Variants in TBC1D5 observed in about 807,000 individuals in gnomAD.
TBC1D5 encodes the protein TBC1 domain family, member 5.
TBC1D5 carries 75 observed loss-of-function variants against 100.3 expected under a neutral mutation model. The observed-to-expected ratio is 0.75, with a 90% CI of 0.62 to 0.91. The LOEUF (loss-of-function observed/expected upper bound fraction) is 0.91, where lower values mean the gene tolerates loss of function less well. Ranked by LOEUF, TBC1D5 falls within the 40% of genes least tolerant of loss-of-function variation. The pLI is 0.00. For synonymous variants in TBC1D5, 323 were observed against 325.6 expected (o/e 0.99, Z 0.09); for missense variants, 910 against 942.4 (o/e 0.97, Z 0.45).
chr3:17,302,622 G>A (rs1003206089), intron 14 of TBC1D5, among the ~76,000 whole-genome samples: 7 of 152,106 alleles, frequency 4.6e-5, no homozygotes, highest in Admixed American at 1.3e-4. Flanking sequence ...ATTTGACCCA[G>A]AGAAAGGCAT....
intron 19 of TBC1D5, among the ~76,000 whole-genome samples, chr3:17,173,948 T>C (rs2733482): frequency 0.31 from 47,410 of 151,966 alleles, 7,498 homozygotes; most frequent in South Asian, 0.39. Flanking sequence ...GTGCACAGGG[T>C]GTGTGCCATA....
intron 18 of TBC1D5, among the ~76,000 whole-genome samples, chr3:17,200,333 G>A (rs1007311842): frequency 2.0e-5 from 3 of 152,208 alleles, no homozygotes; most frequent in Non-Finnish European, 2.9e-5. Flanking sequence ...GGCCTGTTAG[G>A]AACCATGCTG....
intron 13 of TBC1D5, among the ~76,000 whole-genome samples, chr3:17,337,126 T>G (rs904540618): frequency 2.8e-5 from 4 of 145,312 alleles, no homozygotes; most frequent in East Asian, 2.0e-4. Context: ...CTGAGAGGTT[T>G]TTTTTTTTTT....
At chr3:17,446,188 GAC>G (rs2094790377) in intron 3 of TBC1D5, among the ~76,000 whole-genome samples, 1 of 151,988 alleles carries the variant, frequency 6.6e-6, no homozygotes, top group Non-Finnish European at 1.5e-5. Flanking sequence ...CTCCTGAAGA[GAC>G]ATACTTTTTA....
At chr3:17,562,531 A>G (rs1368150824) in intron 2 of TBC1D5, among the ~76,000 whole-genome samples, 1 of 152,072 alleles carries the variant, frequency 6.6e-6, no homozygotes, top group African/African-American at 2.4e-5. Flanking sequence ...AAAAAAAAGA[A>G]AGAAAGATTC....
chr3:17,580,921 T>A (rs1165910999), intron 2 of TBC1D5, among the ~76,000 whole-genome samples: 1 of 152,150 alleles, frequency 6.6e-6, no homozygotes, highest in Non-Finnish European at 1.5e-5. Context: ...TTTTAAGTCT[T>A]CTCTATCTAT....
chr3:17,314,209 G>A (rs771239854), intron 13 of TBC1D5, among the ~76,000 whole-genome samples: 3 of 152,246 alleles, frequency 2.0e-5, no homozygotes, highest in South Asian at 2.1e-4. Flanking sequence ...GATCCTAGGG[G>A]TTATTTGGTA....
At chr3:17,712,901 A>C (rs1311772334) in intron 1 of TBC1D5, among the ~76,000 whole-genome samples, 1 of 152,136 alleles carries the variant, frequency 6.6e-6, no homozygotes, top group Non-Finnish European at 1.5e-5. Flanking sequence ...CTGGCTATAC[A>C]TACCACTCTC....
At chr3:17,438,197 T>C (rs560950327) in intron 3 of TBC1D5, among the ~76,000 whole-genome samples, 2 of 152,294 alleles carry the variant, frequency 1.3e-5, no homozygotes, top group South Asian at 4.1e-4. Flanking sequence ...CAAAACACAT[T>C]TCCACTTAGC....
chr3:17,321,297 C>T (rs2085372188), intron 13 of TBC1D5, among the ~76,000 whole-genome samples: 1 of 152,190 alleles, frequency 6.6e-6, no homozygotes, highest in African/African-American at 2.4e-5. Context: ...CTCCTGGCCT[C>T]AAGCCTCCCA....
At chr3:17,417,071 T>C (rs567089347) in intron 4 of TBC1D5, among the ~76,000 whole-genome samples, 2 of 152,174 alleles carry the variant, frequency 1.3e-5, no homozygotes, top group Non-Finnish European at 2.9e-5. Context: ...ATTTTGGAGA[T>C]TGTAAGTTTA....
chr3:17,493,555 G>A (rs1271835491), intron 3 of TBC1D5, among the ~76,000 whole-genome samples: 1 of 152,002 alleles, frequency 6.6e-6, no homozygotes, highest in South Asian at 2.1e-4. Flanking sequence ...TCTCTTTCAG[G>A]TACCCCAGTC....
At chr3:17,369,117 T>C (rs1276717263) in intron 13 of TBC1D5, among the ~76,000 whole-genome samples, 1 of 152,140 alleles carries the variant, frequency 6.6e-6, no homozygotes, top group South Asian at 2.1e-4. Context: ...AACTATATGA[T>C]CATTTCTAAA....
chr3:17,691,519 C>T (rs760560588), intron 1 of TBC1D5, among the ~76,000 whole-genome samples: 2 of 152,090 alleles, frequency 1.3e-5, no homozygotes, highest in African/African-American at 4.8e-5. Context: ...AAATGCTCCA[C>T]GAAAGAAAAT....
At position 17,475,039 on chromosome 3, in the gene TBC1D5, A is replaced by T. The variant is rs561677667; in HGVS notation, c.97+33435T>A. ...TAAGCATCCAAAATATTGCCTAAGA[A>T]TTGCTAGTTTATGTCCTTTGGTCAT... is the stretch of plus-strand genomic sequence containing the variant. On this transcript the variant is annotated intron_variant, in intron 3 of 21. Coordinates refer to ENST00000253692, the Ensembl canonical transcript of TBC1D5. Among the ~76,000 whole-genome samples the T allele has an allele frequency of 2.6e-5, 4 of 152,210 alleles. No individual in the cohort carries two copies. In the South Asian group the frequency reaches 8.3e-4, roughly 32 times the overall value.
At chr3:17,537,805 C>G (rs1396177768) in intron 2 of TBC1D5, among the ~76,000 whole-genome samples, 1 of 152,168 alleles carries the variant, frequency 6.6e-6, no homozygotes, top group Admixed American at 6.5e-5. Flanking sequence ...ATCCATCCAG[C>G]TATTGATAAA....
At chr3:17,704,630 G>A (rs1336845057) in intron 1 of TBC1D5, among the ~76,000 whole-genome samples, 1 of 76,132 alleles carries the variant, frequency 1.3e-5, no homozygotes, top group Admixed American at 1.4e-4. Context: ...CCCGGACGGG[G>A]CTGCTGGCCA....
intron 2 of TBC1D5, among the ~76,000 whole-genome samples, chr3:17,572,201 C>A (rs2096631512): frequency 6.6e-6 from 1 of 151,686 alleles, no homozygotes. Context: ...GATTATCCCC[C>A]AAGAAATCTC....
chr3:17,698,236 C>T (rs1211432046), intron 1 of TBC1D5, among the ~76,000 whole-genome samples: 6 of 152,180 alleles, frequency 3.9e-5, no homozygotes, highest in Admixed American at 3.9e-4. Context: ...AGAAATAACG[C>T]CGCATATCTA....
Sources: gnomAD v4.1 joint callset for allele counts (sites outside exome capture counted in the v4.1 genomes callset) on GRCh38, gnomAD v4.1.1 for gene constraint, MANE v1.5 for transcripts, NCBI Gene and HGNC (gene_info 2026-07-23, HGNC 2026-07-21) for gene names.